Variants in CDKAL1 observed in about 807,000 individuals in gnomAD.
CDKAL1 encodes CDKAL1 threonylcarbamoyladenosine tRNA methylthiotransferase.
In CDKAL1, 32 loss-of-function variants were observed where a neutral mutation model predicts 68.2. The ratio of observed to expected loss-of-function variants is 0.47; its 90% CI spans 0.35 to 0.63. CDKAL1 has a LOEUF of 0.63. Ranked by LOEUF, CDKAL1 falls within the 30% of genes least tolerant of loss-of-function variation. The pLI is 0.00. For synonymous variants in CDKAL1, 234 were observed against 244.3 expected (o/e 0.96, Z 0.39); for missense variants, 606 against 696.7 (o/e 0.87, Z 1.47).
chr6:21,197,976 G>T, intron 13 of CDKAL1, 45 bp from the exon 14 acceptor site: 1 of 1,269,200 alleles, frequency 7.9e-7, no homozygotes. Context: ...ATTCACAGGT[G>T]TTTACCCTTA....
At chr6:21,079,156 T>TTTTG (rs1202439614) in intron 12 of CDKAL1, among the ~76,000 whole-genome samples, 2 of 152,124 alleles carry the variant, frequency 1.3e-5, no homozygotes, top group Non-Finnish European at 2.9e-5. Context: ...TGAGATATAT[T>TTTTG]TTTGTTTGTT....
intron 10 of CDKAL1, among the ~76,000 whole-genome samples, chr6:20,961,113 T>G (rs1046914292): frequency 6.6e-6 from 1 of 152,174 alleles, no homozygotes; most frequent in Admixed American, 6.5e-5. Context: ...AGTATCTGGA[T>G]TTTATGTATT....
intron 5 of CDKAL1, among the ~76,000 whole-genome samples, chr6:20,725,999 A>G (rs1379567203): frequency 3.9e-5 from 6 of 151,942 alleles, no homozygotes; most frequent in Non-Finnish European, 8.8e-5. Context: ...AAAAATCAAA[A>G]TATTTTACCC....
rs894061998 is a variant in CDKAL1 at position 21,183,467 on chromosome 6, G to A, written c.1300-14554G>A. Among the ~76,000 whole-genome samples, 19 of 152,018 alleles carry A rather than the reference G, an allele frequency of 1.2e-4. No individual in the cohort carries two copies. In the East Asian group the frequency reaches 1.7e-3, roughly 14 times the overall value. On this transcript the variant is annotated intron_variant, in intron 13 of 15. Coordinates refer to ENST00000274695, the MANE Select transcript of CDKAL1 (RefSeq NM_017774.3). ...ACTCTAAGTAACTAGTCACATATCCGTACAGTGTTGCTTTCTAAAAGTTAC... is the reference window on the plus strand; with the variant it reads ...ACTCTAAGTAACTAGTCACATATCCATACAGTGTTGCTTTCTAAAAGTTAC...
At chr6:20,676,430 G>A (rs1770101309) in intron 5 of CDKAL1, among the ~76,000 whole-genome samples, 2 of 152,098 alleles carry the variant, frequency 1.3e-5, no homozygotes, top group Admixed American at 1.3e-4. Context: ...CACTTTGGGA[G>A]GCCGATGCGT....
chr6:20,610,581 A>G (rs1275359435), intron 4 of CDKAL1, among the ~76,000 whole-genome samples: 1 of 151,828 alleles, frequency 6.6e-6, no homozygotes, highest in Non-Finnish European at 1.5e-5. Context: ...TCCCTCATGC[A>G]CAAACTTACC....
chr6:20,908,051 G>C (rs1451112749), intron 9 of CDKAL1, among the ~76,000 whole-genome samples: 1 of 152,158 alleles, frequency 6.6e-6, no homozygotes, highest in African/African-American at 2.4e-5. Context: ...AACTTGTGCA[G>C]ATTTCTTCTA....
chr6:21,154,369 A>G (rs946539940), intron 13 of CDKAL1, among the ~76,000 whole-genome samples: 3 of 152,210 alleles, frequency 2.0e-5, no homozygotes, highest in East Asian at 3.8e-4. Context: ...TCTCCCTTAA[A>G]TGGAAAATAT....
chr6:21,205,470 C>CTTTTGTTTTG (rs113246770), intron 15 of CDKAL1, among the ~76,000 whole-genome samples: 143 of 151,942 alleles, frequency 9.4e-4, no homozygotes, highest in Middle Eastern at 6.8e-3. Flanking sequence ...CTTATTTTCT[C>CTTTTGTTTTG]TTTTGTTTTG....
intron 10 of CDKAL1, among the ~76,000 whole-genome samples, chr6:20,992,038 T>C (rs13196975): frequency 0.42 from 54,861 of 129,202 alleles, 11,527 homozygotes; most frequent in South Asian, 0.53. Flanking sequence ...TTTCTTTTTT[T>C]TTTTTTTTTT....
intron 8 of CDKAL1, among the ~76,000 whole-genome samples, chr6:20,816,887 G>A (rs539710637): frequency 1.3e-5 from 2 of 152,080 alleles, no homozygotes; most frequent in South Asian, 2.1e-4. Context: ...TATAATAATG[G>A]TGAATTAAGT....
At chr6:20,821,391 T>G (rs1334549559) in intron 8 of CDKAL1, among the ~76,000 whole-genome samples, 3 of 152,142 alleles carry the variant, frequency 2.0e-5, no homozygotes, top group South Asian at 2.1e-4. Context: ...AACACTCTTC[T>G]GCCAGCTGTC....
chr6:20,638,357 C>G (rs1309410015), intron 4 of CDKAL1, among the ~76,000 whole-genome samples: 1 of 152,076 alleles, frequency 6.6e-6, no homozygotes, highest in Non-Finnish European at 1.5e-5. Flanking sequence ...CATGAACTCT[C>G]AGTTCATATT....
chr6:21,159,759 G>T (rs932075382), intron 13 of CDKAL1, among the ~76,000 whole-genome samples: 1 of 152,212 alleles, frequency 6.6e-6, no homozygotes, highest in Non-Finnish European at 1.5e-5. Flanking sequence ...ACTTGGTTGA[G>T]ATCTTACCTC....
intron 10 of CDKAL1, among the ~76,000 whole-genome samples, chr6:20,994,005 C>G (rs1171455811): frequency 6.6e-6 from 1 of 152,200 alleles, no homozygotes; most frequent in African/African-American, 2.4e-5. Flanking sequence ...ACTGCTCCCC[C>G]TCCCATGTGA....
chr6:20,945,348 A>G (rs1764185461), intron 9 of CDKAL1, among the ~76,000 whole-genome samples: 1 of 152,166 alleles, frequency 6.6e-6, no homozygotes, highest in Non-Finnish European at 1.5e-5. Context: ...ATTTTCCATA[A>G]TTTGAAAAAA....
chr6:20,756,823 C>CCTTCCTTCCTTCCTTCCTTT (rs1774194789), intron 6 of CDKAL1: 1 of 147,264 alleles, frequency 6.8e-6, no homozygotes, highest in African/African-American at 2.5e-5. Flanking sequence ...TTCCTTCCTT[C>CCTTCCTTCCTTCCTTCCTTT]CTTCCTTCCT....
intron 8 of CDKAL1, among the ~76,000 whole-genome samples, chr6:20,819,404 C>T (rs1777181736): frequency 6.6e-6 from 1 of 152,026 alleles, no homozygotes; most frequent in Non-Finnish European, 1.5e-5. Context: ...AACTCCAGGC[C>T]TCTATGAATA....
At chr6:20,975,826 A>G (rs1765819644) in intron 10 of CDKAL1, among the ~76,000 whole-genome samples, 1 of 152,222 alleles carries the variant, frequency 6.6e-6, no homozygotes, top group Admixed American at 6.5e-5. Flanking sequence ...TTTGTTCCCT[A>G]AAGGGCCAGG....
Sources: allele counts gnomAD v4.1 joint callset (sites outside exome capture counted in the v4.1 genomes callset), GRCh38; gene constraint gnomAD v4.1.1; transcripts MANE v1.5; gene names NCBI Gene and HGNC (gene_info 2026-07-23, HGNC 2026-07-21).